Variants in ARSF observed in about 807,000 individuals in gnomAD.
The protein encoded by ARSF is arylsulfatase F.
Under a neutral mutation model 35.4 loss-of-function variants are expected in ARSF, and 33 were observed. The ratio of observed to expected loss-of-function variants is 0.93; its 90% CI spans 0.71 to 1.25. ARSF has a LOEUF of 1.25. ARSF is among the 50% of genes most tolerant of loss of function. The pLI is 0.00. For synonymous variants in ARSF, 222 were observed against 193.1 expected, an observed-to-expected ratio of 1.15 and a Z score of -1.24; for missense variants, 501 against 480.2, an observed-to-expected ratio of 1.04 and a Z score of -0.40.
chrX:3,102,474 C>A (rs146028081), intron 8 of ARSF, among the ~76,000 whole-genome samples: 1 of 112,550 alleles, frequency 8.9e-6, no homozygotes, highest in African/African-American at 3.2e-5. Flanking sequence ...ATTTTTATGG[C>A]TGAGTAGAAT....
chrX:3,109,725 CT>C (rs1190290750), intron 9 of ARSF, among the ~76,000 whole-genome samples: 1 of 111,915 alleles, frequency 8.9e-6, no homozygotes, highest in Non-Finnish European at 1.9e-5. Flanking sequence ...TACTCCATTT[CT>C]CATATAAAAT....
intron 1 of ARSF, among the ~76,000 whole-genome samples, chrX:3,055,055 A>G (rs961547890): frequency 1.6e-4 from 17 of 106,229 alleles, no homozygotes; most frequent in African/African-American, 5.5e-4. Context: ...TTAAAATCCA[A>G]TCTTTGGCCG....
intron 1 of ARSF, among the ~76,000 whole-genome samples, chrX:3,048,478 C>G (rs1190319072): frequency 8.9e-6 from 1 of 112,015 alleles, no homozygotes; most frequent in Admixed American, 9.5e-5. Flanking sequence ...ACGGAGCCAG[C>G]CTAAATTGTG....
intron 1 of ARSF, among the ~76,000 whole-genome samples, chrX:3,066,575 T>G (rs1467610249): frequency 8.9e-6 from 1 of 111,987 alleles, no homozygotes; most frequent in African/African-American, 3.2e-5. Flanking sequence ...ATAAGAACAT[T>G]CAGCGTCAGC....
At chrX:3,089,783 A>C in intron 7 of ARSF, 151 bp downstream of exon 7, 1 of 576,148 alleles carries the variant, frequency 1.7e-6, no homozygotes, top group Non-Finnish European at 2.6e-6. Flanking sequence ...GTTGCTAGCA[A>C]TTGAGAAAGT....
At chrX:3,108,970 C>T (rs760487827) in intron 9 of ARSF, among the ~76,000 whole-genome samples, 3 of 110,949 alleles carry the variant, frequency 2.7e-5, no homozygotes, top group African/African-American at 9.9e-5. Flanking sequence ...GAGCCGAGAT[C>T]GTGCCGTTGC....
intron 9 of ARSF, among the ~76,000 whole-genome samples, chrX:3,108,651 G>A (rs2090424796): frequency 9.0e-6 from 1 of 111,526 alleles, no homozygotes; most frequent in African/African-American, 3.3e-5. Flanking sequence ...CATTATTTCC[G>A]GCAGTTTTTT....
intron 5 of ARSF, among the ~76,000 whole-genome samples, chrX:3,083,292 C>T (rs933407857): frequency 1.8e-5 from 2 of 110,735 alleles, no homozygotes; most frequent in African/African-American, 6.6e-5. Flanking sequence ...GATGTATACA[C>T]CATAATTTAT....
At chrX:3,106,933 AATACCCAG>A (rs1415292856) in intron 9 of ARSF, among the ~76,000 whole-genome samples, 2 of 111,883 alleles carry the variant, frequency 1.8e-5, no homozygotes, top group Non-Finnish European at 3.8e-5. Context: ...TGGATACCAA[AATACCCAG>A]ATGCTCCCGT....
Position 3,082,239 on chromosome X carries a change from G to A in ARSF, c.406+1226G>A, listed in dbSNP as rs1346831847. Reference sequence around the variant, plus strand: ...CTTACTTCGATCAGTTTTAATGAGAGCCCCTAGGATTTGCAGTCAGCCAGC... The same window carrying A: ...CTTACTTCGATCAGTTTTAATGAGAACCCCTAGGATTTGCAGTCAGCCAGC... On this transcript the variant is annotated intron_variant, in intron 5 of 10. Coordinates refer to ENST00000381127, the MANE Select transcript of ARSF (RefSeq NM_001201539.2). 2.7e-5 allele frequency among the ~76,000 whole-genome samples: 3 copies of A among 111,641 alleles called. No homozygotes were observed. The Admixed American group carries it at 2.8e-4, about 11-fold the overall frequency.
At chrX:3,080,330 T>C (rs944761109) in intron 4 of ARSF, among the ~76,000 whole-genome samples, 10 of 109,664 alleles carry the variant, frequency 9.1e-5, no homozygotes, top group Non-Finnish European at 1.9e-4. Flanking sequence ...AAAAATTAGC[T>C]GGGTGTGGTG....
chrX:3,101,890 C>T (rs1302056947), intron 8 of ARSF, among the ~76,000 whole-genome samples: 1 of 111,628 alleles, frequency 9.0e-6, no homozygotes, highest in Non-Finnish European at 1.9e-5. Flanking sequence ...TATATTTTAT[C>T]ATATGTCTTG....
At chrX:3,100,401 C>T (rs1205578852) in intron 7 of ARSF, among the ~76,000 whole-genome samples, 4 of 111,990 alleles carry the variant, frequency 3.6e-5, no homozygotes, top group East Asian at 5.6e-4. Context: ...TACAGTCCTT[C>T]GTTTCATATC....
At chrX:3,041,299 C>CTTT (rs35885735), upstream of ARSF, among the ~76,000 whole-genome samples, 11 of 87,388 alleles carry the variant, frequency 1.3e-4, 1 homozygote, top group Non-Finnish European at 1.9e-4. Flanking sequence ...TTTTCTTTTT[C>CTTT]TTTTTTTTTT....
At chrX:3,063,189 A>T (rs2090049360) in intron 1 of ARSF, among the ~76,000 whole-genome samples, 1 of 111,756 alleles carries the variant, frequency 8.9e-6, no homozygotes, top group Non-Finnish European at 1.9e-5. Flanking sequence ...CATAAACAGA[A>T]CCATCAACAA....
At chrX:3,067,197 G>A (rs2090072052) in intron 1 of ARSF, among the ~76,000 whole-genome samples, 2 of 108,832 alleles carry the variant, frequency 1.8e-5, no homozygotes, top group African/African-American at 6.7e-5. Context: ...TATGTGTCCA[G>A]AGTATACATG....
intron 8 of ARSF, among the ~76,000 whole-genome samples, chrX:3,102,674 G>A (rs1179179051): frequency 8.9e-6 from 1 of 112,027 alleles, no homozygotes; most frequent in Non-Finnish European, 1.9e-5. Context: ...CAGCACTTTG[G>A]GAGGCTGAGG....
intron 3 of ARSF, among the ~76,000 whole-genome samples, chrX:3,075,566 GTC>G (rs1375228336): frequency 9.6e-6 from 1 of 104,103 alleles, no homozygotes; most frequent in East Asian, 3.2e-4. Context: ...CTCTCTGATT[GTC>G]TCTCTCTGTC....
chrX:3,045,931 G>A (rs1326548599), intron 1 of ARSF, among the ~76,000 whole-genome samples: 2 of 110,516 alleles, frequency 1.8e-5, no homozygotes, highest in African/African-American at 6.6e-5. Flanking sequence ...TGCCCAGGCT[G>A]GGGTGCAGTG....
Sources: allele counts gnomAD v4.1 joint callset (sites outside exome capture counted in the v4.1 genomes callset), GRCh38; gene constraint gnomAD v4.1.1; transcripts MANE v1.5; gene names NCBI Gene and HGNC (gene_info 2026-07-23, HGNC 2026-07-21).